Variants in FOXJ3 observed in about 807,000 individuals in gnomAD.
FOXJ3 encodes the protein forkhead box J3, also known as forkhead box protein J3.
In FOXJ3, 22 loss-of-function variants were observed where a neutral mutation model predicts 76.1. The ratio of observed to expected loss-of-function variants is 0.29; its 90% CI spans 0.21 to 0.41. The LOEUF is 0.41. Ranked by LOEUF, FOXJ3 falls within the 10% of genes least tolerant of loss-of-function variation. The pLI is 1.00. For missense variants in FOXJ3, 613 were observed against 762.1 expected (o/e 0.80, Z 2.30); for synonymous variants, 269 against 261.2 (o/e 1.03, Z -0.29).
intron 7 of FOXJ3, among the ~76,000 whole-genome samples, chr1:42,197,262 G>A (rs1646669125): frequency 6.6e-6 from 1 of 152,164 alleles, no homozygotes; most frequent in Admixed American, 6.5e-5. Flanking sequence ...TAGCACTTTG[G>A]GAAGTCAACA....
At chr1:42,204,890 T>A (rs1488469960) in intron 6 of FOXJ3, among the ~76,000 whole-genome samples, 4 of 152,104 alleles carry the variant, frequency 2.6e-5, no homozygotes, top group Admixed American at 1.3e-4. Flanking sequence ...TTTCTACAAG[T>A]AAAAGGATCC....
intron 2 of FOXJ3, among the ~76,000 whole-genome samples, chr1:42,294,762 CA>C (rs5773766): frequency 4.1e-4 from 43 of 105,670 alleles, no homozygotes; most frequent in Middle Eastern, 5.0e-3. Flanking sequence ...AACTTGGTCT[CA>C]AAAAAAAAAA....
At chr1:42,256,820 T>G (rs1286289589) in intron 4 of FOXJ3, among the ~76,000 whole-genome samples, 2 of 152,262 alleles carry the variant, frequency 1.3e-5, no homozygotes, top group African/African-American at 4.8e-5. Flanking sequence ...ACACCTGAAG[T>G]GTTTGTCAAC....
intron 2 of FOXJ3, among the ~76,000 whole-genome samples, chr1:42,298,756 T>C (rs1410066678): frequency 6.6e-6 from 1 of 152,222 alleles, no homozygotes; most frequent in Non-Finnish European, 1.5e-5. Context: ...GAGATCTTCC[T>C]ATCTTTTTAA....
At chr1:42,322,567 T>C (rs1655495271) in intron 1 of FOXJ3, among the ~76,000 whole-genome samples, 1 of 152,084 alleles carries the variant, frequency 6.6e-6, no homozygotes, top group African/African-American at 2.4e-5. Context: ...AAAAGGGCAG[T>C]TGGATTAAAG....
At chr1:42,278,187 TA>T (rs1652436734) in intron 3 of FOXJ3, among the ~76,000 whole-genome samples, 160 bp downstream of exon 3, 1 of 152,090 alleles carries the variant, frequency 6.6e-6, no homozygotes, top group Non-Finnish European at 1.5e-5. Context: ...CTACCAAAAA[TA>T]AAGTTATTCA....
chr1:42,246,637 A>C (rs1231561559), intron 4 of FOXJ3, among the ~76,000 whole-genome samples: 1 of 152,006 alleles, frequency 6.6e-6, no homozygotes, highest in Non-Finnish European at 1.5e-5. Flanking sequence ...TTTCTAAAAA[A>C]AAAAAAACAC....
intron 1 of FOXJ3, among the ~76,000 whole-genome samples, chr1:42,316,349 T>TTTTTTTTTTTTTTTTTTTTGTTTTC (rs1553169820): frequency 7.4e-6 from 1 of 135,090 alleles, no homozygotes; most frequent in Non-Finnish European, 1.6e-5. Flanking sequence ...TTTTTTTTTT[T>TTTTTTTTTTTTTTTTTTTTGTTTTC]CTGTAGAAAC....
intron 7 of FOXJ3, among the ~76,000 whole-genome samples, chr1:42,198,251 T>G (rs1221491915): frequency 1.3e-5 from 2 of 152,046 alleles, no homozygotes; most frequent in Non-Finnish European, 2.9e-5. Context: ...AATACTTTAT[T>G]TTTTTTTACA....
At chr1:42,194,022 T>A (rs1422894507) in intron 8 of FOXJ3, among the ~76,000 whole-genome samples, 2 of 152,194 alleles carry the variant, frequency 1.3e-5, no homozygotes, top group Non-Finnish European at 2.9e-5. Context: ...AGACACCATA[T>A]CTGCTGGTTC....
Position 42,191,553 on chromosome 1 carries a change from C to G in FOXJ3, c.1101G>C (p.Gln367His). The change falls in exon 9 of 13, where the codon CAG becomes CAC. Residue 367 changes from glutamine (Q) to histidine (H), a missense_variant. Gln to His is a conservative substitution (Grantham distance 24, BLOSUM62 0). Transcript: ENST00000361346. The part of the protein sequence containing the change: ...LNTTGSNSVA[Q>H]VSLSHPQMHT... ...GCATCTGGGGGTGAGACAGTGAGAC[C>G]TGTGCAACCGAATTACTGCCTGTGG... 1.9e-6 allele frequency: 3 copies of G among 1,614,030 alleles called. No homozygotes were observed. Among genetic ancestry groups the G allele is most frequent in the East Asian group, 4.5e-5 (2 of 44,874 alleles).
intron 1 of FOXJ3, among the ~76,000 whole-genome samples, chr1:42,323,071 A>C (rs962057369): frequency 6.6e-6 from 1 of 152,170 alleles, no homozygotes; most frequent in Admixed American, 6.6e-5. Context: ...AGGGATCAGA[A>C]ACCAAATGTC....
chr1:42,255,394 G>A (rs779142380), intron 4 of FOXJ3, among the ~76,000 whole-genome samples: 3 of 152,060 alleles, frequency 2.0e-5, no homozygotes, highest in Non-Finnish European at 4.4e-5. Flanking sequence ...GTCAACAGAC[G>A]AAATAAAATA....
chr1:42,257,636 G>A (rs766277973), intron 4 of FOXJ3, among the ~76,000 whole-genome samples: 4 of 151,984 alleles, frequency 2.6e-5, no homozygotes, highest in Non-Finnish European at 5.9e-5. Context: ...CTACAGGGGA[G>A]GGTGAGGCAG....
intron 5 of FOXJ3, among the ~76,000 whole-genome samples, chr1:42,220,724 G>T (rs1256707960): frequency 6.6e-6 from 1 of 152,122 alleles, no homozygotes; most frequent in Non-Finnish European, 1.5e-5. Context: ...CGAGCTCTAG[G>T]TGCTAACAGT....
At chr1:42,316,543 T>G (rs190216787) in intron 1 of FOXJ3, among the ~76,000 whole-genome samples, 1 of 151,996 alleles carries the variant, frequency 6.6e-6, no homozygotes, top group East Asian at 1.9e-4. Context: ...ACAAAAAACT[T>G]ACTACCATTC....
At chr1:42,263,265 T>C (rs1179570706) in intron 4 of FOXJ3, among the ~76,000 whole-genome samples, 3 of 152,202 alleles carry the variant, frequency 2.0e-5, no homozygotes, top group African/African-American at 4.8e-5. Flanking sequence ...AAGTACATGA[T>C]AGAATTAAGC....
rs145310427 is a variant in FOXJ3, at chr1:42,196,552, G to T, written c.760-1488C>A. 2.8e-4 allele frequency among the ~76,000 whole-genome samples: 43 copies of T among 152,336 alleles called. No homozygotes were observed. In the East Asian group the frequency reaches 8.3e-3, roughly 29 times the overall value. On this transcript the variant is annotated intron_variant, in intron 7 of 12. Transcript: ENST00000361346. ...AATTAAAAATACAAAAATTAGCTAT[G>T]TGTGGTGGCTCACGCCTGCAATCCC...
intron 8 of FOXJ3, 39 bp downstream of exon 8, chr1:42,194,851 A>G (rs1211981712): frequency 1.5e-6 from 2 of 1,364,348 alleles, no homozygotes; most frequent in Non-Finnish European, 2.0e-6. Flanking sequence ...CCTTTTTCCA[A>G]TAAAACTTTG....
Sources: allele counts gnomAD v4.1 joint callset (sites outside exome capture counted in the v4.1 genomes callset), GRCh38; gene constraint gnomAD v4.1.1; transcripts MANE v1.5; gene names NCBI Gene and HGNC (gene_info 2026-07-23, HGNC 2026-07-21).